The following ADGRL3 variants were observed in gnomAD, a reference collection of about 807,000 sequenced individuals.
ADGRL3 encodes the protein calcium-independent alpha-latrotoxin receptor 3.
ADGRL3 carries 62 observed loss-of-function variants against 153.5 expected under a neutral mutation model. The ratio of observed to expected loss-of-function variants is 0.40; its 90% CI spans 0.33 to 0.50. The LOEUF (loss-of-function observed/expected upper bound fraction) is 0.50. ADGRL3 is among the 20% of genes least tolerant of loss of function. ADGRL3 has a pLI of 0.47. For missense variants in ADGRL3, 1,641 were observed against 1,859.4 expected, an observed-to-expected ratio of 0.88 and a Z score of 2.16; for synonymous variants, 710 against 672.5, an observed-to-expected ratio of 1.06 and a Z score of -0.86.
chr4:62,019,541 A>G (rs2151359940), intron 21 of ADGRL3, among the ~76,000 whole-genome samples: 1 of 152,158 alleles, frequency 6.6e-6, no homozygotes, highest in East Asian at 1.9e-4. Context: ...GTTCTATAAT[A>G]TTTCTTAATG....
intron 5 of ADGRL3, among the ~76,000 whole-genome samples, chr4:61,662,039 T>C (rs938320172): frequency 2.0e-5 from 3 of 152,134 alleles, no homozygotes; most frequent in African/African-American, 7.2e-5. Flanking sequence ...CAATCTGGAG[T>C]GGCCACTGCC....
At chr4:62,047,134 T>G (rs1269882179) in intron 25 of ADGRL3, among the ~76,000 whole-genome samples, 3 of 152,032 alleles carry the variant, frequency 2.0e-5, no homozygotes, top group East Asian at 1.9e-4. Context: ...TCCAATTCAT[T>G]TAGTTTTTTA....
At chr4:62,013,489 C>T (rs968497270) in intron 21 of ADGRL3, among the ~76,000 whole-genome samples, 6 of 151,632 alleles carry the variant, frequency 4.0e-5, no homozygotes, top group Admixed American at 3.3e-4. Flanking sequence ...TTGCAGTGAG[C>T]CAAGATCACA....
intron 2 of ADGRL3, among the ~76,000 whole-genome samples, chr4:61,415,618 C>T (rs555493028): frequency 2.0e-5 from 3 of 152,040 alleles, no homozygotes; most frequent in African/African-American, 7.2e-5. Context: ...AACTGTCATA[C>T]ATAAATTTGA....
At chr4:61,610,476 T>C (rs1439541936) in intron 5 of ADGRL3, among the ~76,000 whole-genome samples, 1 of 152,158 alleles carries the variant, frequency 6.6e-6, no homozygotes. Context: ...AGGAAAAATA[T>C]TTCCAATCTT....
chr4:61,568,008 T>TA (rs1435751853), intron 4 of ADGRL3, among the ~76,000 whole-genome samples: 6 of 152,196 alleles, frequency 3.9e-5, no homozygotes, highest in Admixed American at 3.3e-4. Flanking sequence ...AGGCAGGAAG[T>TA]AAATTGAGTC....
intron 1 of ADGRL3, among the ~76,000 whole-genome samples, chr4:61,215,354 A>G (rs936174498): frequency 1.3e-5 from 2 of 152,122 alleles, no homozygotes; most frequent in Non-Finnish European, 2.9e-5. Flanking sequence ...TACTGTTGCA[A>G]GATAAATTTA....
intron 1 of ADGRL3, among the ~76,000 whole-genome samples, chr4:61,228,969 G>C (rs1749248326): frequency 6.6e-6 from 1 of 152,182 alleles, no homozygotes; most frequent in Non-Finnish European, 1.5e-5. Flanking sequence ...TGGAATTACA[G>C]GCGTGAGCCA....
chr4:61,762,133 G>A (rs1313515927), intron 8 of ADGRL3, among the ~76,000 whole-genome samples: 1 of 152,100 alleles, frequency 6.6e-6, no homozygotes, highest in Non-Finnish European at 1.5e-5. Flanking sequence ...AGTGGTCATG[G>A]TTAAAGATCT....
chr4:61,489,208 G>T lies in ADGRL3; in HGVS notation c.-173-7913G>T, dbSNP rs182154079. ...AGGGTATAGAAAATTTAAGTAATCT[G>T]CTTATGTCATACAGCTCACAACTCA... On this transcript the variant is annotated intron_variant, in intron 2 of 26. Transcript: ENST00000683033. 2.0e-3 allele frequency among the ~76,000 whole-genome samples: 304 copies of T among 151,932 alleles called. 3 individuals carry two copies. Among genetic ancestry groups the T allele is most frequent in the African/African-American group, 6.9e-3 (287 of 41,474 alleles).
chr4:61,707,030 G>A (rs867216986), intron 6 of ADGRL3, among the ~76,000 whole-genome samples: 1 of 152,092 alleles, frequency 6.6e-6, no homozygotes. Context: ...ATTATTAAGT[G>A]GCTTAATTTA....
chr4:61,896,972 C>G (rs773362465), intron 11 of ADGRL3, among the ~76,000 whole-genome samples: 1 of 152,168 alleles, frequency 6.6e-6, no homozygotes, highest in Non-Finnish European at 1.5e-5. Context: ...AATAATAATT[C>G]TTCTAGAAAA....
intron 21 of ADGRL3, among the ~76,000 whole-genome samples, chr4:62,023,389 G>T (rs2151412458): frequency 6.6e-6 from 1 of 152,278 alleles, no homozygotes; most frequent in African/African-American, 2.4e-5. Flanking sequence ...TTGTTGAAAT[G>T]ACAACAAAGG....
intron 5 of ADGRL3, among the ~76,000 whole-genome samples, chr4:61,671,123 A>C (rs1473353958): frequency 6.6e-6 from 1 of 152,120 alleles, no homozygotes; most frequent in Non-Finnish European, 1.5e-5. Context: ...AATTTTACTG[A>C]AATTAGCAGG....
At chr4:61,324,035 A>G (rs937394278) in intron 1 of ADGRL3, among the ~76,000 whole-genome samples, 2 of 152,176 alleles carry the variant, frequency 1.3e-5, no homozygotes, top group African/African-American at 4.8e-5. Flanking sequence ...TCTTACATGG[A>G]TGGCAGCAGG....
intron 17 of ADGRL3, among the ~76,000 whole-genome samples, chr4:61,973,939 A>G (rs1252496092): frequency 6.6e-6 from 1 of 152,158 alleles, no homozygotes; most frequent in African/African-American, 2.4e-5. Context: ...TGCTGTCTTC[A>G]TCTGCTTTCT....
At chr4:61,386,029 T>G (rs1420276554) in intron 2 of ADGRL3, among the ~76,000 whole-genome samples, 1 of 152,126 alleles carries the variant, frequency 6.6e-6, no homozygotes, top group Non-Finnish European at 1.5e-5. Flanking sequence ...CCAACTGGGA[T>G]TTTGATGGTG....
chr4:62,052,052 ACT>A (rs1734498998), intron 25 of ADGRL3, among the ~76,000 whole-genome samples: 1 of 151,058 alleles, frequency 6.6e-6, no homozygotes, highest in Admixed American at 6.6e-5. Flanking sequence ...TGCATATTGT[ACT>A]CTGTTCATTA....
At chr4:61,678,273 A>G (rs1457641681) in intron 6 of ADGRL3, among the ~76,000 whole-genome samples, 1 of 152,062 alleles carries the variant, frequency 6.6e-6, no homozygotes, top group Non-Finnish European at 1.5e-5. Flanking sequence ...AAGGAATTTT[A>G]TTTAAAAATA....
Sources: gnomAD v4.1 joint callset for allele counts (sites outside exome capture counted in the v4.1 genomes callset) on GRCh38, gnomAD v4.1.1 for gene constraint, MANE v1.5 for transcripts, NCBI Gene and HGNC (gene_info 2026-07-23, HGNC 2026-07-21) for gene names.